ADCY9: variants seen among roughly 807,000 people sequenced by gnomAD.
ADCY9 encodes adenylate cyclase type 9.
Under a neutral mutation model 101.5 loss-of-function variants are expected in ADCY9, and 50 were observed. That is an observed-to-expected ratio of 0.49 (90% CI 0.39 to 0.62). The LOEUF (loss-of-function observed/expected upper bound fraction) is 0.62. Among genes scored for constraint, ADCY9 ranks in the 20% least tolerant of loss-of-function variants. The pLI is 0.00. For missense variants in ADCY9, 1,662 were observed against 1,800.4 expected, an observed-to-expected ratio of 0.92 and a Z score of 1.39; for synonymous variants, 905 against 769.3, an observed-to-expected ratio of 1.18 and a Z score of -2.92.
chr16:4,075,511 A>G (rs547197604), intron 2 of ADCY9, among the ~76,000 whole-genome samples: 1 of 152,376 alleles, frequency 6.6e-6, no homozygotes, highest in Admixed American at 6.5e-5. Context: ...ACATTAATTT[A>G]CAGCAGAAGA....
chr16:4,041,436 A>G (rs1478998160), intron 2 of ADCY9, among the ~76,000 whole-genome samples: 1 of 149,652 alleles, frequency 6.7e-6, no homozygotes, highest in African/African-American at 2.4e-5. Context: ...CCCAGGAGGC[A>G]GAAGTTGCAG....
intron 2 of ADCY9, among the ~76,000 whole-genome samples, chr16:4,048,911 C>G (rs969499293): frequency 1.3e-5 from 2 of 152,126 alleles, no homozygotes; most frequent in African/African-American, 2.4e-5. Context: ...AAGCAAAACC[C>G]CTGGTCTCCA....
intron 2 of ADCY9, among the ~76,000 whole-genome samples, chr16:4,087,382 A>G (rs769120893): frequency 5.3e-5 from 8 of 151,742 alleles, no homozygotes; most frequent in South Asian, 2.1e-4. Context: ...TAAAAATACA[A>G]AAAATTAGCC....
intron 2 of ADCY9, among the ~76,000 whole-genome samples, chr16:4,037,594 T>C (rs1172785021): frequency 6.6e-6 from 1 of 152,206 alleles, no homozygotes; most frequent in Admixed American, 6.5e-5. Flanking sequence ...GGATTAATAA[T>C]AGCCATTGTG....
chr16:3,961,812 G>A, downstream of ADCY9, among the ~76,000 whole-genome samples: 1 of 151,982 alleles, frequency 6.6e-6, no homozygotes, highest in Non-Finnish European at 1.5e-5. Context: ...GATCACTTGA[G>A]GCCAGGAGTT....
Position 3,983,386 on chromosome 16 carries a change from G to A in ADCY9, c.2365C>T (p.Leu789=). Reference sequence around the variant, plus strand: ...ACTGTGGTCGACAGAAACACATCCAGGAGGGAGCTGAAGGTGGGACTAGCA... The same window carrying A: ...ACTGTGGTCGACAGAAACACATCCAAGAGGGAGCTGAAGGTGGGACTAGCA... The part of the protein sequence containing the change: ...TFASPTFSSL[L]DVFLSTTVFL... The change falls in exon 7 of 11, where the codon CTG becomes TTG. Residue 789 remains leucine, a synonymous_variant. Transcript: ENST00000294016. The A allele has an allele frequency of 6.2e-7, 1 of 1,608,466 alleles. No individual in the cohort carries two copies. The highest frequency in any genetic ancestry group is 8.5e-7 in the Non-Finnish European group (1 of 1,177,112).
At chr16:3,972,988 A>G (rs1247502809) in intron 10 of ADCY9, among the ~76,000 whole-genome samples, 4 of 152,216 alleles carry the variant, frequency 2.6e-5, no homozygotes, top group African/African-American at 4.8e-5. Flanking sequence ...AGCTGTAATC[A>G]TCACTCATTC....
chr16:3,987,626 A>G (rs1458577868), intron 6 of ADCY9, among the ~76,000 whole-genome samples: 1 of 152,238 alleles, frequency 6.6e-6, no homozygotes, highest in Non-Finnish European at 1.5e-5. Flanking sequence ...TGTCTGGGAC[A>G]TTAACGGATA....
At position 4,114,978 on chromosome 16, in the gene ADCY9, C is replaced by G. The variant is rs1272821440; in HGVS notation, c.465G>C (p.Val155=). ...AGGTAAACAGAAAGAAGCCCACACA[C>G]ACCAGGAGGAAGCACAGCGCGGGGG... is the stretch of plus-strand genomic sequence containing the variant. ...MVAPALCFLL[V]CVGFFLFTFT... Residue 155 remains valine, a synonymous_variant, in exon 2 of 11, where the codon GTG becomes GTC. Coordinates refer to ENST00000294016, the MANE Select transcript of ADCY9 (RefSeq NM_001116.4). This position sits in a 1 kb window ranked among gnomAD's most constrained non-coding sequence, Gnocchi z 4.3. 2 of 1,613,970 alleles carry G rather than the reference C, an allele frequency of 1.2e-6. No individual in the cohort carries two copies. The highest frequency in any genetic ancestry group is 2.7e-5 in the African/African-American group (2 of 74,954).
At chr16:3,972,718 T>C (rs2056063247) in intron 10 of ADCY9, among the ~76,000 whole-genome samples, 1 of 152,182 alleles carries the variant, frequency 6.6e-6, no homozygotes, top group African/African-American at 2.4e-5. Context: ...CACTTTGGTA[T>C]ATTTCAGTGC....
At chr16:3,975,149 C>T (rs114903076) in intron 9 of ADCY9, among the ~76,000 whole-genome samples, 35 of 152,238 alleles carry the variant, frequency 2.3e-4, no homozygotes, top group African/African-American at 7.2e-4. Context: ...CTAAAGGCCA[C>T]GGTGAATGCC....
At chr16:4,086,161 G>A (rs2056937063) in intron 2 of ADCY9, among the ~76,000 whole-genome samples, 1 of 151,006 alleles carries the variant, frequency 6.6e-6, no homozygotes, top group Non-Finnish European at 1.5e-5. Context: ...AGGACAAGGA[G>A]AAAAAAAATC....
chr16:4,058,602 C>T (rs74005710), intron 2 of ADCY9, among the ~76,000 whole-genome samples: 1,978 of 152,212 alleles, frequency 0.013, 30 homozygotes, highest in African/African-American at 0.044. Context: ...CCTACAATGA[C>T]GTTGCAGGGG....
At chr16:4,098,223 T>C (rs1390311574) in intron 2 of ADCY9, among the ~76,000 whole-genome samples, 5 of 151,738 alleles carry the variant, frequency 3.3e-5, no homozygotes, top group Non-Finnish European at 7.4e-5. Context: ...TGGGATTTTT[T>C]GTTTTGTTTT....
chr16:4,066,584 G>A (rs1597204919), intron 2 of ADCY9, among the ~76,000 whole-genome samples: 2 of 151,582 alleles, frequency 1.3e-5, no homozygotes, highest in African/African-American at 4.9e-5. Context: ...ATGAGGTCTC[G>A]CTGTTGCCCA....
At chr16:4,028,156 T>G (rs571521321) in intron 2 of ADCY9, among the ~76,000 whole-genome samples, 1 of 152,172 alleles carries the variant, frequency 6.6e-6, no homozygotes, top group Non-Finnish European at 1.5e-5. Flanking sequence ...ATACATGTGT[T>G]ATGATCCTTA....
Position 3,977,628 on chromosome 16 carries a change from G to C in ADCY9, c.2682C>G (p.Phe894Leu). 6.2e-7 allele frequency: 1 copy of C among 1,612,930 alleles called. No homozygotes were observed. The highest frequency in any genetic ancestry group is 8.5e-7 in the Non-Finnish European group (1 of 1,179,802). ...GCGCGGCCGAGCCTGTGAACACTGG[G>C]AACTGCAAGAGGCGAAGGGTTAGGA... ...VTSEYETNIH[F>L]PVFTGSAALI... is the part of the protein sequence containing the mutation. Residue 894 changes from phenylalanine (F) to leucine (L), a missense_variant and splice_region_variant, in exon 9 of 11, where the codon TTC (phenylalanine) becomes TTG (leucine). Phe to Leu is a conservative substitution (Grantham distance 22, BLOSUM62 0). This residue lies in a region of ADCY9 where 624 missense variants were observed against 639.1 expected (regional missense o/e 0.98). Transcript: ENST00000294016.
intron 2 of ADCY9, among the ~76,000 whole-genome samples, chr16:4,050,498 G>A (rs2056693986): frequency 6.6e-6 from 1 of 152,094 alleles, no homozygotes; most frequent in Non-Finnish European, 1.5e-5. Flanking sequence ...TGGGTCACCT[G>A]AGGTCAGGAG....
chr16:4,054,925 A>G (rs927474059), intron 2 of ADCY9, among the ~76,000 whole-genome samples: 7 of 152,210 alleles, frequency 4.6e-5, no homozygotes, highest in African/African-American at 1.7e-4. Context: ...GCTGTACAAC[A>G]CCACTCGAGA....
Sources: gnomAD v4.1 joint callset for allele counts (sites outside exome capture counted in the v4.1 genomes callset) on GRCh38, gnomAD v4.1.1 for gene constraint, gnomAD v4.1.1 regional missense constraint, Gnocchi (gnomAD v3.1) non-coding constraint, MANE v1.5 for transcripts, NCBI Gene and HGNC (gene_info 2026-07-23, HGNC 2026-07-21) for gene names.